Variants in APP observed in about 807,000 individuals in gnomAD.
APP encodes the protein amyloid beta precursor protein.
Under a neutral mutation model 101.4 loss-of-function variants are expected in APP, and 31 were observed. The observed-to-expected ratio is 0.31, with a 90% CI of 0.23 to 0.41. The LOEUF is 0.41. Ranked by LOEUF, APP falls within the 10% of genes least tolerant of loss-of-function variation. The probability of loss-of-function intolerance (pLI) is 1.00; values close to 1 mark genes in which losing one functional copy is unlikely to be tolerated. For missense variants in APP, 839 were observed against 1,003.7 expected, an observed-to-expected ratio of 0.84 and a Z score of 2.22; for synonymous variants, 366 against 364.4, an observed-to-expected ratio of 1.00 and a Z score of -0.05.
intron 1 of APP, among the ~76,000 whole-genome samples, chr21:26,131,933 T>C (rs2062806004): frequency 6.6e-6 from 1 of 152,080 alleles, no homozygotes; most frequent in South Asian, 2.1e-4. Flanking sequence ...CAGATCCTGT[T>C]TTCTTAAATA....
intron 4 of APP, among the ~76,000 whole-genome samples, chr21:26,052,430 T>A (rs1393281823): frequency 6.6e-6 from 1 of 151,406 alleles, no homozygotes; most frequent in Non-Finnish European, 1.5e-5. Flanking sequence ...TAAAGGAGCC[T>A]AATTCTAGTT....
At position 25,972,703 on chromosome 21, in the gene APP, T is replaced by C. The variant is rs117629926; in HGVS notation, c.1458+2367A>G. 8.4e-3 allele frequency among the ~76,000 whole-genome samples: 1,273 copies of C among 152,200 alleles called. 7 individuals are homozygous for C. Among genetic ancestry groups the C allele is most frequent in the Non-Finnish European group, 0.012 (841 of 68,030 alleles). ...GGTACAAGCCACCAAGCCCAGTCTC[T>C]AAGACATTTTAAAGGAAATCTCTCA... On this transcript the variant is annotated intron_variant, in intron 11 of 17. Transcript: ENST00000346798.
chr21:25,988,880 T>G (rs2042748677), intron 8 of APP, among the ~76,000 whole-genome samples: 1 of 152,028 alleles, frequency 6.6e-6, no homozygotes. Context: ...CGGGAGAAAC[T>G]GCTTTCACAT....
chr21:25,912,758 CAAG>C (rs2039145869), intron 13 of APP, among the ~76,000 whole-genome samples: 4 of 152,112 alleles, frequency 2.6e-5, no homozygotes, highest in South Asian at 2.1e-4. Flanking sequence ...ATTGATTAAA[CAAG>C]AATCAGCTTT....
intron 1 of APP, among the ~76,000 whole-genome samples, chr21:26,117,649 T>C (rs1282705035): frequency 3.9e-5 from 6 of 152,082 alleles, no homozygotes; most frequent in Admixed American, 6.5e-5. Context: ...AAATGGAAAA[T>C]TGCAATTTTC....
chr21:26,163,239 CAAAAAAAAAAAAAAAA>C (rs58816061), intron 1 of APP, among the ~76,000 whole-genome samples: 3 of 58,830 alleles, frequency 5.1e-5, no homozygotes, highest in Non-Finnish European at 9.5e-5. Context: ...AACTCAGTCT[CAAAAAAAAAAAAAAAA>C]AAAAAAAAAA....
chr21:26,168,171 C>G (rs2063658361), intron 1 of APP, among the ~76,000 whole-genome samples: 1 of 152,168 alleles, frequency 6.6e-6, no homozygotes. Context: ...ACACCTCTAT[C>G]AACATACCAG....
chr21:26,010,820 CAAAAAA>C (rs58036272), intron 6 of APP, among the ~76,000 whole-genome samples: 2 of 54,842 alleles, frequency 3.6e-5, no homozygotes, highest in African/African-American at 7.1e-5. Flanking sequence ...GACTTCGTCT[CAAAAAA>C]AAAAAAAAAA....
At chr21:26,140,204 G>A in intron 1 of APP, 1 of 1,536,102 alleles carries the variant, frequency 6.5e-7, no homozygotes, top group Non-Finnish European at 8.7e-7. Flanking sequence ...TTTGAATCTG[G>A]GGAAGAGCTG....
At chr21:25,906,371 T>C (rs1339158532) in intron 14 of APP, among the ~76,000 whole-genome samples, 9 of 232 alleles carry the variant, frequency 0.039, no homozygotes, top group African/African-American at 0.14. Flanking sequence ...TCTGTGGCCT[T>C]GGGATGCGCC....
chr21:26,074,355 TTTAGCATTTATAAATAGTATCCTA>T (rs1326410342), intron 3 of APP, among the ~76,000 whole-genome samples: 1 of 152,226 alleles, frequency 6.6e-6, no homozygotes, highest in African/African-American at 2.4e-5. Context: ...GGAGTTCATG[TTTAGCATTTATAAATAGTATCCTA>T]ACCTTTAAGG....
At chr21:25,917,087 C>G (rs1174652289) in intron 13 of APP, among the ~76,000 whole-genome samples, 4 of 151,968 alleles carry the variant, frequency 2.6e-5, no homozygotes, top group Non-Finnish European at 4.4e-5. Context: ...TTGGTGAAAC[C>G]CCGTCTCTAC....
intron 6 of APP, among the ~76,000 whole-genome samples, chr21:26,005,328 C>T (rs11909998): frequency 0.089 from 13,574 of 152,170 alleles, 985 homozygotes; most frequent in East Asian, 0.3. Context: ...GCACTGGAAT[C>T]ACTTGAACCT....
chr21:25,891,526 C>G (rs2037695377), intron 17 of APP, among the ~76,000 whole-genome samples, 196 bp downstream of exon 17: 2 of 152,012 alleles, frequency 1.3e-5, no homozygotes, highest in Admixed American at 1.3e-4. Flanking sequence ...ACTCTCAATA[C>G]CTTGAGCAGA....
intron 3 of APP, among the ~76,000 whole-genome samples, chr21:26,074,875 C>T (rs775888659): frequency 1.3e-5 from 2 of 152,164 alleles, no homozygotes; most frequent in East Asian, 1.9e-4. Context: ...TTTTACTAGA[C>T]ATGTGTAGGA....
intron 9 of APP, among the ~76,000 whole-genome samples, chr21:25,979,047 A>G (rs1166024063): frequency 1.3e-5 from 2 of 148,736 alleles, no homozygotes; most frequent in Non-Finnish European, 3.0e-5. Flanking sequence ...GTTTATAAGT[A>G]ATAAAAGTGC....
rs145081708 is a variant in APP, at chr21:26,051,070, A to G, written c.592T>C (p.Ser198Pro). 515 of 1,614,066 alleles carry G rather than the reference A, an allele frequency of 3.2e-4. 1 individual carries two copies. Among genetic ancestry groups the G allele is most frequent in the Admixed American group, 4.3e-4 (26 of 59,998 alleles). Residue 198 changes from serine (S) to proline (P), a missense_variant, in exon 5 of 18, where the codon TCT (serine) becomes CCT (proline). Coordinates refer to ENST00000346798, the MANE Select transcript of APP (RefSeq NM_000484.4). ...GAGTCATCCTCCTCCGCATCAGCAG[A>G]ATCCACATTGTCACTTTCTTCAGCC... Reference protein sequence around the residue: ...PLAEESDNVDSADAEEDDSDV... With the variant: ...PLAEESDNVDPADAEEDDSDV...
At chr21:26,096,333 C>T (rs1436953195) in intron 2 of APP, among the ~76,000 whole-genome samples, 1 of 152,186 alleles carries the variant, frequency 6.6e-6, no homozygotes, top group Non-Finnish European at 1.5e-5. Flanking sequence ...ATAGCCTCCC[C>T]GTGGAGCCCC....
intron 11 of APP, among the ~76,000 whole-genome samples, chr21:25,973,208 A>G (rs1377560985): frequency 6.6e-6 from 1 of 151,770 alleles, no homozygotes; most frequent in Non-Finnish European, 1.5e-5. Context: ...CAGACTGGAC[A>G]AATAGCAAAC....
Sources: allele counts gnomAD v4.1 joint callset (sites outside exome capture counted in the v4.1 genomes callset), GRCh38; gene constraint gnomAD v4.1.1; transcripts MANE v1.5; gene names NCBI Gene and HGNC (gene_info 2026-07-23, HGNC 2026-07-21).